The following SBF2 variants were observed in gnomAD, a reference collection of about 807,000 sequenced individuals.
SBF2 encodes the protein myotubularin-related protein 13.
Under a neutral mutation model 225.2 loss-of-function variants are expected in SBF2, and 112 were observed. The ratio of observed to expected loss-of-function variants is 0.50; its 90% CI spans 0.43 to 0.58. The LOEUF (loss-of-function observed/expected upper bound fraction) is 0.58, where lower values mean the gene tolerates loss of function less well. Ranked by LOEUF, SBF2 falls within the 20% of genes least tolerant of loss-of-function variation. The pLI is 0.00. For synonymous variants in SBF2, 763 were observed against 773.3 expected (o/e 0.99, Z 0.22); for missense variants, 1,996 against 2,206.2 (o/e 0.90, Z 1.91).
intron 2 of SBF2, among the ~76,000 whole-genome samples, chr11:10,043,823 G>A (rs1949751663): frequency 6.6e-6 from 1 of 152,060 alleles, no homozygotes; most frequent in Non-Finnish European, 1.5e-5. Flanking sequence ...ATTCTCCTGT[G>A]TCAGTCTCCC....
chr11:9,983,775 G>A (rs1460890199), intron 13 of SBF2, among the ~76,000 whole-genome samples: 2 of 152,172 alleles, frequency 1.3e-5, no homozygotes, highest in Non-Finnish European at 2.9e-5. Context: ...ACAATCCTCA[G>A]TACCAGCCTG....
At chr11:10,139,545 C>T (rs1954546057) in intron 2 of SBF2, among the ~76,000 whole-genome samples, 2 of 152,178 alleles carry the variant, frequency 1.3e-5, no homozygotes, top group Admixed American at 6.5e-5. Context: ...GAATTTAAAG[C>T]AGATAAGACA....
intron 2 of SBF2, among the ~76,000 whole-genome samples, chr11:10,083,376 A>G (rs932429191): frequency 1.3e-5 from 2 of 152,228 alleles, no homozygotes; most frequent in Non-Finnish European, 2.9e-5. Context: ...AGAATTAGAA[A>G]AAATAATCCT....
intron 12 of SBF2, among the ~76,000 whole-genome samples, chr11:9,992,012 T>C (rs923930957): frequency 2.0e-5 from 3 of 152,172 alleles, no homozygotes; most frequent in Non-Finnish European, 4.4e-5. Context: ...ACAATCACTA[T>C]TAAATTTTCA....
At chr11:10,188,387 G>C (rs1480924486) in intron 2 of SBF2, among the ~76,000 whole-genome samples, 5 of 125,052 alleles carry the variant, frequency 4.0e-5, no homozygotes, top group Non-Finnish European at 6.6e-5. Context: ...ACAATACACA[G>C]ATGTAGTGGG....
intron 1 of SBF2, among the ~76,000 whole-genome samples, chr11:10,278,677 G>A (rs1963159335): frequency 6.6e-6 from 1 of 151,862 alleles, no homozygotes. Flanking sequence ...CAGCTACTTG[G>A]GAGGTTGAGG....
chr11:9,887,379 T>A (rs1204578168), intron 17 of SBF2, among the ~76,000 whole-genome samples: 2 of 152,040 alleles, frequency 1.3e-5, no homozygotes, highest in Admixed American at 6.6e-5. Flanking sequence ...ATAAAGAACA[T>A]TAGTTCTAAA....
At chr11:9,896,156 T>G in intron 16 of SBF2, 145 bp from the exon 17 acceptor site, 2 of 692,482 alleles carry the variant, frequency 2.9e-6, no homozygotes, top group South Asian at 3.0e-5. Context: ...GAGGGGTTTG[T>G]ACTCTTATTC....
chr11:10,036,236 G>C (rs993535691), intron 3 of SBF2, among the ~76,000 whole-genome samples: 1 of 152,074 alleles, frequency 6.6e-6, no homozygotes, highest in Non-Finnish European at 1.5e-5. Flanking sequence ...ACAGGGCGGG[G>C]AACATCACAC....
chr11:9,784,779 G>A (rs1852262553), intron 37 of SBF2, among the ~76,000 whole-genome samples: 1 of 152,224 alleles, frequency 6.6e-6, no homozygotes, highest in Non-Finnish European at 1.5e-5. Context: ...TAGCTTATGT[G>A]AGTAAATTCC....
At chr11:10,073,150 C>A (rs994775779) in intron 2 of SBF2, among the ~76,000 whole-genome samples, 1 of 151,878 alleles carries the variant, frequency 6.6e-6, no homozygotes, top group Admixed American at 6.6e-5. Context: ...TACAGGGTTG[C>A]TGTGAATATG....
chr11:9,945,228 G>A (rs1271634502), intron 16 of SBF2, among the ~76,000 whole-genome samples: 2 of 152,148 alleles, frequency 1.3e-5, no homozygotes, highest in Non-Finnish European at 2.9e-5. Context: ...AAATCAGGAT[G>A]GCACTGGTAC....
intron 2 of SBF2, among the ~76,000 whole-genome samples, chr11:10,108,227 T>C (rs895467012): frequency 6.6e-6 from 1 of 152,158 alleles, no homozygotes; most frequent in Non-Finnish European, 1.5e-5. Flanking sequence ...CACTGAGCTA[T>C]AAATTAATAA....
chr11:10,101,661 G>C (rs1590958021), intron 2 of SBF2, among the ~76,000 whole-genome samples: 1 of 41,698 alleles, frequency 2.4e-5, no homozygotes, highest in Non-Finnish European at 5.8e-5. Context: ...CTCTCGCTCT[G>C]TGTGTGTGTG....
At chr11:9,796,002 A>T in intron 32 of SBF2, 45 bp from the exon 33 acceptor site, 1 of 1,604,004 alleles carries the variant, frequency 6.2e-7, no homozygotes, top group Non-Finnish European at 8.5e-7. Context: ...CAAACAGAAC[A>T]AAAAGTGGAT....
At chr11:10,230,707 T>C (rs4531462) in intron 1 of SBF2, among the ~76,000 whole-genome samples, 11,181 of 152,262 alleles carry the variant, frequency 0.073, 598 homozygotes, top group East Asian at 0.29. Flanking sequence ...CTTCCCTTTG[T>C]GGGTAACCCG....
At chr11:10,111,605 G>C (rs1157054607) in intron 2 of SBF2, among the ~76,000 whole-genome samples, 1 of 152,264 alleles carries the variant, frequency 6.6e-6, no homozygotes, top group African/African-American at 2.4e-5. Context: ...GCTGGGTGCA[G>C]TGGCTCACGC....
chr11:9,953,115 C>A (rs1370073730), intron 16 of SBF2, among the ~76,000 whole-genome samples: 2 of 152,216 alleles, frequency 1.3e-5, no homozygotes, highest in African/African-American at 2.4e-5. Context: ...GCGGAGCCAA[C>A]CCAAATGCCC....
chr11:10,160,563 G>C (rs1955685335), intron 2 of SBF2, among the ~76,000 whole-genome samples: 1 of 152,266 alleles, frequency 6.6e-6, no homozygotes, highest in African/African-American at 2.4e-5. Flanking sequence ...GTTATCTCTG[G>C]TTGAAGAGAT....
Sources: gnomAD v4.1 joint callset for allele counts (sites outside exome capture counted in the v4.1 genomes callset) on GRCh38, gnomAD v4.1.1 for gene constraint, MANE v1.5 for transcripts, NCBI Gene and HGNC (gene_info 2026-07-23, HGNC 2026-07-21) for gene names.